MOB1B: variants seen among roughly 807,000 people sequenced by gnomAD.
MOB1B encodes MOB1 Mps One Binder homolog B.
A neutral mutation model predicts 24.4 loss-of-function variants in MOB1B; 19 were observed. The observed-to-expected ratio is 0.78, with a 90% CI of 0.54 to 1.14. The LOEUF (loss-of-function observed/expected upper bound fraction) is 1.14. Among genes scored for constraint, MOB1B ranks in the 50% most tolerant of loss-of-function variants. The pLI is 0.00. For synonymous variants in MOB1B, 76 were observed against 82.1 expected, an observed-to-expected ratio of 0.93 and a Z score of 0.40; for missense variants, 243 against 259.6, an observed-to-expected ratio of 0.94 and a Z score of 0.44.
intron 1 of MOB1B, among the ~76,000 whole-genome samples, chr4:70,946,137 AG>A (rs1236750537): frequency 1.4e-5 from 2 of 145,142 alleles, no homozygotes; most frequent in African/African-American, 2.5e-5. Flanking sequence ...AGGACTATAA[AG>A]GGGCCTAATA....
intron 1 of MOB1B, among the ~76,000 whole-genome samples, chr4:70,923,133 C>T (rs1377901127): frequency 6.6e-6 from 1 of 152,158 alleles, no homozygotes; most frequent in African/African-American, 2.4e-5. Flanking sequence ...ATACATGCAA[C>T]GCCATCCCAT....
chr4:70,914,425 T>C (rs576795714), intron 1 of MOB1B, among the ~76,000 whole-genome samples: 49 of 152,312 alleles, frequency 3.2e-4, no homozygotes, highest in African/African-American at 1.2e-3. Context: ...TCTTACACTT[T>C]TTCTGCCCCA....
chr4:70,931,217 T>G (rs1736878624), intron 1 of MOB1B, among the ~76,000 whole-genome samples: 1 of 152,166 alleles, frequency 6.6e-6, no homozygotes, highest in African/African-American at 2.4e-5. Flanking sequence ...GAAATTAGCT[T>G]TAATGAAATA....
At chr4:70,930,965 CT>C (rs71211981) in intron 1 of MOB1B, among the ~76,000 whole-genome samples, 89,574 of 114,242 alleles carry the variant, frequency 0.78, 37,127 homozygotes, top group Non-Finnish European at 0.92. Context: ...TGTACCTTTC[CT>C]TTTTTTTTTT....
intron 1 of MOB1B, among the ~76,000 whole-genome samples, chr4:70,956,530 A>C (rs1738061136): frequency 6.6e-6 from 1 of 152,134 alleles, no homozygotes; most frequent in Non-Finnish European, 1.5e-5. Flanking sequence ...TCCTGGGCTC[A>C]AGTGATCTTC....
chr4:70,962,823 A>G (rs1738358743), intron 2 of MOB1B, among the ~76,000 whole-genome samples: 1 of 151,988 alleles, frequency 6.6e-6, no homozygotes, highest in Non-Finnish European at 1.5e-5. Context: ...ACATGATGAA[A>G]CCCCATCTCT....
intron 1 of MOB1B, among the ~76,000 whole-genome samples, chr4:70,915,470 G>A (rs1736160672): frequency 1.3e-5 from 2 of 152,188 alleles, no homozygotes; most frequent in Non-Finnish European, 2.9e-5. Context: ...TAGTTACTTC[G>A]AGTATGCCCT....
intron 1 of MOB1B, among the ~76,000 whole-genome samples, chr4:70,923,237 C>A (rs931676743): frequency 6.6e-6 from 1 of 152,170 alleles, no homozygotes; most frequent in Admixed American, 6.5e-5. Flanking sequence ...CTCAGAACTT[C>A]TAGACCTCAG....
chr4:70,980,464 A>G (rs1739164083), intron 5 of MOB1B, among the ~76,000 whole-genome samples: 2 of 152,176 alleles, frequency 1.3e-5, no homozygotes, highest in Admixed American at 6.5e-5. Flanking sequence ...GGATTGATAC[A>G]TAGCATTTAC....
Position 70,958,932 on chromosome 4 carries a change from C to T in MOB1B, c.73C>T (p.Gln25Ter). The part of the protein sequence containing the change: ...PKKNIPEGSH[Q>*]YELLKHAEAT... ...GAAGAACATTCCAGAGGGTTCTCAC[C>T]AGTATGAGCTCTTAAAACACGCAGA... The change falls in exon 2 of 6, where the codon CAG becomes TAG. Residue 25 changes from glutamine (Q) to a stop codon, truncating the protein, a stop_gained. Transcript: ENST00000309395. LOFTEE classifies it high-confidence loss of function. 1 of 1,614,034 alleles carries T rather than the reference C, an allele frequency of 6.2e-7. No homozygotes were observed. The highest frequency in any genetic ancestry group is 8.5e-7 in the Non-Finnish European group (1 of 1,179,978).
intron 1 of MOB1B, among the ~76,000 whole-genome samples, chr4:70,915,036 C>T (rs1343759916): frequency 6.6e-6 from 1 of 152,176 alleles, no homozygotes; most frequent in Admixed American, 6.5e-5. Flanking sequence ...AGACTTAGCT[C>T]AATCGATTGG....
At position 70,970,575 on chromosome 4, in the gene MOB1B, A is replaced by G. The variant is rs534541547; in HGVS notation, c.275+551A>G. The stretch of plus-strand genomic sequence containing the variant: ...GCTTGCCACCTTGTTTTAACACCCA[A>G]AAAATGTGGGTTGAATCAGTACATT... On this transcript the variant is annotated intron_variant, in intron 3 of 5. Transcript: ENST00000309395. Among the ~76,000 whole-genome samples the G allele has an allele frequency of 1.4e-3, 215 of 152,196 alleles. 1 individual carries two copies. The highest frequency in any genetic ancestry group is 2.1e-3 in the Non-Finnish European group (141 of 68,038).
intron 1 of MOB1B, among the ~76,000 whole-genome samples, chr4:70,944,336 C>T (rs1289965310): frequency 6.6e-6 from 1 of 152,194 alleles, no homozygotes; most frequent in Non-Finnish European, 1.5e-5. Flanking sequence ...CACCCGGCCT[C>T]TAATACTTTT....
At chr4:70,904,777 G>T (rs898797085) in intron 1 of MOB1B, among the ~76,000 whole-genome samples, 3 of 148,374 alleles carry the variant, frequency 2.0e-5, no homozygotes, top group Admixed American at 6.7e-5. Context: ...AAAAAAAAAA[G>T]GTTAAAGCAG....
chr4:70,977,420 C>T (rs943132370), intron 4 of MOB1B, among the ~76,000 whole-genome samples: 1 of 152,080 alleles, frequency 6.6e-6, no homozygotes, highest in Non-Finnish European at 1.5e-5. Context: ...ACATTGAACC[C>T]AGTAGTACCA....
chr4:70,928,712 C>T (rs1024087640), intron 1 of MOB1B, among the ~76,000 whole-genome samples: 5 of 152,078 alleles, frequency 3.3e-5, no homozygotes, highest in African/African-American at 1.2e-4. Context: ...CTACTGTGCA[C>T]AGAAGAGTTT....
At chr4:70,938,777 GT>G (rs11297851) in intron 1 of MOB1B, among the ~76,000 whole-genome samples, 115,539 of 127,822 alleles carry the variant, frequency 0.9, 52,316 homozygotes, top group Non-Finnish European at 0.95. Context: ...TTAGGATTGG[GT>G]TTTTTTTTTT....
intron 1 of MOB1B, among the ~76,000 whole-genome samples, chr4:70,915,709 A>G (rs562525116): frequency 1.2e-4 from 18 of 150,602 alleles, no homozygotes; most frequent in Admixed American, 9.9e-4. Context: ...AGAAATCTTT[A>G]TGGGCGGCAG....
intron 1 of MOB1B, chr4:70,950,715 A>G (rs1469406449): frequency 6.6e-7 from 1 of 1,526,218 alleles, no homozygotes; most frequent in Non-Finnish European, 8.8e-7. Context: ...CTCAGCCTGA[A>G]GTTGACTGGA....
Sources: allele counts gnomAD v4.1 joint callset (sites outside exome capture counted in the v4.1 genomes callset), GRCh38; gene constraint gnomAD v4.1.1; transcripts MANE v1.5; gene names NCBI Gene and HGNC (gene_info 2026-07-23, HGNC 2026-07-21).